The following DCC variants were observed in gnomAD, a reference collection of about 807,000 sequenced individuals.
DCC encodes DCC netrin 1 receptor.
Under a neutral mutation model 172.5 loss-of-function variants are expected in DCC, and 58 were observed. The ratio of observed to expected loss-of-function variants is 0.34; its 90% CI spans 0.27 to 0.42. The LOEUF (loss-of-function observed/expected upper bound fraction) is 0.42, where lower values mean the gene tolerates loss of function less well. DCC is among the 10% of genes least tolerant of loss of function. The probability of loss-of-function intolerance (pLI) is 1.00; values close to 1 mark genes in which losing one functional copy is unlikely to be tolerated. For missense variants in DCC, 1,740 were observed against 1,791.0 expected (o/e 0.97, Z 0.51); for synonymous variants, 709 against 644.5 (o/e 1.10, Z -1.52).
chr18:52,487,016 A>C (rs1471917618), intron 1 of DCC, among the ~76,000 whole-genome samples: 3 of 152,152 alleles, frequency 2.0e-5, no homozygotes, highest in African/African-American at 7.2e-5. Flanking sequence ...AAAGATATAA[A>C]ATGTTTTTAC....
At chr18:52,459,231 G>A (rs1243396816) in intron 1 of DCC, among the ~76,000 whole-genome samples, 1 of 151,776 alleles carries the variant, frequency 6.6e-6, no homozygotes, top group African/African-American at 2.4e-5. Flanking sequence ...AGGGGTACAT[G>A]TGCAGGTTTG....
chr18:52,783,445 A>G (rs980010846), intron 2 of DCC, among the ~76,000 whole-genome samples: 2 of 147,416 alleles, frequency 1.4e-5, no homozygotes, highest in Non-Finnish European at 3.0e-5. Flanking sequence ...ACAGGTGTGT[A>G]ATGTGACTTG....
intron 24 of DCC, among the ~76,000 whole-genome samples, chr18:53,467,654 C>T (rs2045638232): frequency 6.6e-6 from 1 of 152,080 alleles, no homozygotes; most frequent in Admixed American, 6.6e-5. Context: ...CATGTATAAA[C>T]ATATGCAAAA....
At chr18:52,919,887 C>A (rs1943123) in intron 3 of DCC, among the ~76,000 whole-genome samples, 134,502 of 151,932 alleles carry the variant, frequency 0.89, 60,179 homozygotes, top group Middle Eastern at 0.95. Context: ...ATAATAGATC[C>A]ATGGAACAGA....
chr18:52,921,325 T>C (rs1394627171), intron 3 of DCC, among the ~76,000 whole-genome samples: 1 of 152,184 alleles, frequency 6.6e-6, no homozygotes, highest in Non-Finnish European at 1.5e-5. Flanking sequence ...TTCAACTGTT[T>C]TGTAAATAAA....
At chr18:52,591,590 T>G (rs1330141552) in intron 1 of DCC, among the ~76,000 whole-genome samples, 3 of 151,980 alleles carry the variant, frequency 2.0e-5, no homozygotes, top group Non-Finnish European at 4.4e-5. Context: ...AGGTCTTCAG[T>G]GCACATTGCC....
chr18:53,390,208 C>A (rs1908449901), intron 16 of DCC, among the ~76,000 whole-genome samples: 1 of 151,956 alleles, frequency 6.6e-6, no homozygotes, highest in African/African-American at 2.4e-5. Context: ...ATACAGAAAG[C>A]CTGGGCTCTG....
In DCC at chr18:52,815,411, T is replaced by TACACAC. The variant is rs34924244; in HGVS notation, c.412+63058_412+63063dup. 5.8e-3 allele frequency among the ~76,000 whole-genome samples: 869 copies of TACACAC among 150,110 alleles called. 7 individuals are homozygous for TACACAC. The highest frequency in any genetic ancestry group is 0.017 in the African/African-American group (702 of 40,682). On this transcript the variant is annotated intron_variant, in intron 2 of 28. Transcript: ENST00000442544. ...TCACTTGCGCTTGCCTTCTCACACG[T>TACACAC]ACACACACACACACACACACACACA...
rs181375714 is a variant in DCC, at chr18:53,116,241, T to C, written c.1262-41115T>C. Among the ~76,000 whole-genome samples, 852 of 151,780 alleles carry C rather than the reference T, an allele frequency of 5.6e-3. 6 individuals carry two copies. Among genetic ancestry groups the C allele is most frequent in the Admixed American group, 0.023 (349 of 15,208 alleles). On this transcript the variant is annotated intron_variant, in intron 7 of 28. Transcript: ENST00000442544. ...GGATTTCTTGAAAATGAAAGTACACTCCACAGTGTGGGAGCTAGCCCGAGC... is the reference window on the plus strand; with the variant it reads ...GGATTTCTTGAAAATGAAAGTACACCCCACAGTGTGGGAGCTAGCCCGAGC...
intron 1 of DCC, among the ~76,000 whole-genome samples, chr18:52,570,473 G>T (rs1283586012): frequency 6.6e-6 from 1 of 152,146 alleles, no homozygotes; most frequent in Non-Finnish European, 1.5e-5. Context: ...TCATCTCTTG[G>T]TATTTGAGGG....
intron 1 of DCC, among the ~76,000 whole-genome samples, chr18:52,459,034 A>G (rs1988546669): frequency 6.6e-6 from 1 of 152,108 alleles, no homozygotes; most frequent in African/African-American, 2.4e-5. Flanking sequence ...TCAGCCCTGA[A>G]GCCGCCTGTA....
At chr18:52,655,344 A>G (rs1270254613) in intron 1 of DCC, among the ~76,000 whole-genome samples, 1 of 152,178 alleles carries the variant, frequency 6.6e-6, no homozygotes. Context: ...TGACAAATTA[A>G]TAATCGAGCC....
chr18:53,026,909 T>A (rs1457125161), intron 5 of DCC, among the ~76,000 whole-genome samples: 1 of 152,092 alleles, frequency 6.6e-6, no homozygotes, highest in East Asian at 1.9e-4. Context: ...TCTATGAAGA[T>A]CTAGAAGGGT....
chr18:53,369,222 T>C (rs2058035233), intron 15 of DCC, among the ~76,000 whole-genome samples: 1 of 151,986 alleles, frequency 6.6e-6, no homozygotes, highest in Non-Finnish European at 1.5e-5. Context: ...TTGTAATTTC[T>C]TTTTCAGATT....
chr18:52,425,297 T>C (rs1172092185), intron 1 of DCC, among the ~76,000 whole-genome samples: 5 of 152,184 alleles, frequency 3.3e-5, no homozygotes, highest in Non-Finnish European at 7.3e-5. Flanking sequence ...CCCTCTTCTC[T>C]TTCTGCTTCT....
chr18:52,718,579 T>C (rs2036425727), intron 1 of DCC, among the ~76,000 whole-genome samples: 1 of 152,154 alleles, frequency 6.6e-6, no homozygotes. Flanking sequence ...TTGTTTTCCT[T>C]AAAAGCCCTG....
intron 1 of DCC, among the ~76,000 whole-genome samples, chr18:52,390,980 C>A (rs1986009885): frequency 6.6e-6 from 1 of 152,088 alleles, no homozygotes; most frequent in Admixed American, 6.6e-5. Flanking sequence ...TTGCCTTTCA[C>A]ATCTATGTAA....
chr18:52,385,437 G>C (rs183642993), intron 1 of DCC, among the ~76,000 whole-genome samples: 1 of 152,034 alleles, frequency 6.6e-6, no homozygotes, highest in Admixed American at 6.6e-5. Context: ...CACCACATCT[G>C]ACTTATTTTT....
intron 1 of DCC, among the ~76,000 whole-genome samples, chr18:52,486,616 C>T (rs187119623): frequency 3.0e-4 from 46 of 152,116 alleles, no homozygotes; most frequent in Middle Eastern, 3.4e-3. Flanking sequence ...ACACTTATGG[C>T]CCTGGAAAAT....
Sources: gnomAD v4.1 joint callset for allele counts (sites outside exome capture counted in the v4.1 genomes callset) on GRCh38, gnomAD v4.1.1 for gene constraint, MANE v1.5 for transcripts, NCBI Gene and HGNC (gene_info 2026-07-23, HGNC 2026-07-21) for gene names.